NCOR2: variants seen among roughly 807,000 people sequenced by gnomAD.
NCOR2 encodes CTG repeat protein 26.
Under a neutral mutation model 262.9 loss-of-function variants are expected in NCOR2, and 81 were observed. The observed-to-expected ratio is 0.31, with a 90% CI of 0.26 to 0.37. The LOEUF is 0.37. Among genes scored for constraint, NCOR2 ranks in the 10% least tolerant of loss-of-function variants. NCOR2 has a pLI of 1.00. For synonymous variants in NCOR2, 1,659 were observed against 1,559.3 expected, an observed-to-expected ratio of 1.06 and a Z score of -1.51; for missense variants, 3,385 against 3,621.4, an observed-to-expected ratio of 0.93 and a Z score of 1.68.
At chr12:124,540,134 C>T (rs1194651787), upstream of NCOR2, among the ~76,000 whole-genome samples, 1 of 150,566 alleles carries the variant, frequency 6.6e-6, no homozygotes, top group Non-Finnish European at 1.5e-5. Context: ...AAACACCCTC[C>T]GGTACACCCA....
chr12:124,562,518 C>CCCGTCCT (rs1449532627), intron 1 of NCOR2, among the ~76,000 whole-genome samples: 1 of 152,212 alleles, frequency 6.6e-6, no homozygotes, highest in African/African-American at 2.4e-5. Context: ...CCTCCCCCAC[C>CCCGTCCT]CCGTCCTCCC....
At chr12:124,333,181 C>A in exon 42 of NCOR2, 3 of 1,612,984 alleles carry the variant, frequency 1.9e-6, no homozygotes, top group Non-Finnish European at 2.5e-6. Flanking sequence ...CACAGCACTC[C>A]GGGAGTGCCC....
chr12:124,374,390 A>G, intron 19 of NCOR2, 23 bp downstream of exon 21: 5 of 1,611,298 alleles, frequency 3.1e-6, no homozygotes, highest in Non-Finnish European at 4.2e-6. Flanking sequence ...CCTACCCCCC[A>G]GGCCAGCCGG....
intron 23 of NCOR2, among the ~76,000 whole-genome samples, chr12:124,356,099 C>T (rs1486887324): frequency 6.6e-6 from 1 of 152,246 alleles, no homozygotes; most frequent in African/African-American, 2.4e-5. Flanking sequence ...TCTCTCCTGC[C>T]TCTGGGCTTT....
intron 1 of NCOR2, among the ~76,000 whole-genome samples, chr12:124,550,584 G>A (rs2051684914): frequency 6.6e-6 from 1 of 152,174 alleles, no homozygotes. Context: ...CTCTCTCTGG[G>A]GGGTAGGAAC....
intron 7 of NCOR2, among the ~76,000 whole-genome samples, chr12:124,441,544 C>T (rs1045010429): frequency 4.6e-5 from 7 of 152,170 alleles, no homozygotes; most frequent in Non-Finnish European, 7.4e-5. Context: ...ATAACCCAAC[C>T]ACCGCTGGCA....
At chr12:124,386,570 C>T (rs1373712849) in intron 16 of NCOR2, among the ~76,000 whole-genome samples, 2 of 152,200 alleles carry the variant, frequency 1.3e-5, no homozygotes, top group African/African-American at 2.4e-5. Context: ...AACCCCAACC[C>T]GCACAACCAG....
rs1023889026 is a variant in NCOR2 at position 124,393,457 on chromosome 12, G to A, written c.1876+4662C>T. Among the ~76,000 whole-genome samples, 4 of 152,198 alleles carry A rather than the reference G, an allele frequency of 2.6e-5. No individual in the cohort carries two copies. The East Asian group carries it at 5.8e-4, about 22-fold the overall frequency. ...CAGCCCCTCCCCAGTGGCCTCCCAC[G>A]CTCTAGAGTAATAGCTACACTCCAT... is the stretch of plus-strand genomic sequence containing the variant. On this transcript the variant is annotated intron_variant, in intron 16 of 46. Transcript: ENST00000405201.
intron 13 of NCOR2, among the ~76,000 whole-genome samples, chr12:124,403,191 G>T (rs1374185112): frequency 6.6e-6 from 1 of 152,090 alleles, no homozygotes; most frequent in Non-Finnish European, 1.5e-5. Context: ...GAGGTGGGGG[G>T]ATGCCCCTGA....
chr12:124,398,571 G>A (rs568460751), intron 15 of NCOR2, among the ~76,000 whole-genome samples: 5 of 152,342 alleles, frequency 3.3e-5, no homozygotes, highest in South Asian at 4.1e-4. Flanking sequence ...ACCTGGTGAC[G>A]TGGCGACAGT....
upstream of NCOR2, among the ~76,000 whole-genome samples, chr12:124,499,615 G>T (rs1455366929): frequency 6.6e-6 from 1 of 152,328 alleles, no homozygotes; most frequent in Middle Eastern, 3.4e-3. Context: ...CAGGCGGTGA[G>T]CACAGGCCCA....
At chr12:124,488,028 GC>G (rs1477614279) in intron 1 of NCOR2, among the ~76,000 whole-genome samples, 18 of 152,276 alleles carry the variant, frequency 1.2e-4, no homozygotes, top group Middle Eastern at 3.4e-3. Context: ...GACAGGTAAG[GC>G]TTTAGAGAGT....
intron 16 of NCOR2, among the ~76,000 whole-genome samples, chr12:124,386,788 C>A (rs573294620): frequency 2.6e-5 from 4 of 152,376 alleles, no homozygotes; most frequent in African/African-American, 9.6e-5. Context: ...AGCCCCCGGT[C>A]TCGGCCTGTC....
At chr12:124,552,480 AG>A (rs1461350946) in intron 1 of NCOR2, among the ~76,000 whole-genome samples, 1 of 152,190 alleles carries the variant, frequency 6.6e-6, no homozygotes, top group Non-Finnish European at 1.5e-5. Context: ...CCCCAGGTCA[AG>A]GTCAAGAAAC....
intron 12 of NCOR2, 120 bp from the exon 15 acceptor site, chr12:124,420,175 G>T: frequency 1.4e-6 from 1 of 733,134 alleles, no homozygotes; most frequent in East Asian, 2.6e-5. Context: ...GGGTGACCTC[G>T]GACAGATGAC....
At chr12:124,405,352 C>A (rs1247222800) in intron 13 of NCOR2, among the ~76,000 whole-genome samples, 2 of 152,230 alleles carry the variant, frequency 1.3e-5, no homozygotes, top group Non-Finnish European at 2.9e-5. Flanking sequence ...TAACAAGCCC[C>A]CAGGGCAGGG....
chr12:124,353,447 G>A (rs1314853649), intron 27 of NCOR2, among the ~76,000 whole-genome samples: 1 of 152,234 alleles, frequency 6.6e-6, no homozygotes, highest in Non-Finnish European at 1.5e-5. Context: ...GACGCTGCCT[G>A]AGTGAAAAAC....
intron 1 of NCOR2, chr12:124,562,383 A>G (rs2052101315): frequency 6.6e-6 from 1 of 152,204 alleles, no homozygotes; most frequent in South Asian, 2.1e-4. Flanking sequence ...TTTAAGAATC[A>G]AGAAACCAAG....
chr12:124,435,335 C>T (rs928436642), intron 8 of NCOR2, among the ~76,000 whole-genome samples: 4 of 152,240 alleles, frequency 2.6e-5, no homozygotes, highest in Non-Finnish European at 5.9e-5. Flanking sequence ...ATTGGACGCT[C>T]GTTTCAAGAG....
Sources: allele counts gnomAD v4.1 joint callset (sites outside exome capture counted in the v4.1 genomes callset), GRCh38; gene constraint gnomAD v4.1.1; transcripts MANE v1.5; gene names NCBI Gene and HGNC (gene_info 2026-07-23, HGNC 2026-07-21).